PIGU: variants seen among roughly 807,000 people sequenced by gnomAD.
PIGU encodes the protein GPI-anchor transamidase component PIGU.
A neutral mutation model predicts 49.9 loss-of-function variants in PIGU; 24 were observed. The ratio of observed to expected loss-of-function variants is 0.48; its 90% CI spans 0.35 to 0.68. PIGU has a LOEUF of 0.68. Ranked by LOEUF, PIGU falls within the 30% of genes least tolerant of loss-of-function variation. The pLI is 0.01. For missense variants in PIGU, 490 were observed against 532.6 expected (o/e 0.92, Z 0.79); for synonymous variants, 220 against 205.7 (o/e 1.07, Z -0.59).
chr20:34,621,885 T>C (rs1985249232), intron 6 of PIGU, among the ~76,000 whole-genome samples: 1 of 151,970 alleles, frequency 6.6e-6, no homozygotes, highest in South Asian at 2.1e-4. Flanking sequence ...AGGAGGAAAG[T>C]ACAAAGGAAG....
In PIGU at chr20:34,656,068, G is replaced by T. The variant is rs1410428226; in HGVS notation, c.195+1112C>A. ...GGCTCACTGCAAACTCTGCCTCCCG[G>T]GTTCAAACAATTGTCCTGCCTCAGC... On this transcript the variant is annotated intron_variant, in intron 2 of 11. Transcript: ENST00000217446. Among the ~76,000 whole-genome samples the T allele has an allele frequency of 3.7e-5, 4 of 107,694 alleles. 2 individuals carry two copies. The highest frequency in any genetic ancestry group is 7.7e-5 in the Non-Finnish European group (4 of 52,014). 70.7% of individuals were successfully genotyped at this position (107,694 alleles called of 152,430 possible). A position where few individuals can be genotyped will look rare whatever the true frequency, so the allele number is the denominator to read the frequency against.
intron 11 of PIGU, among the ~76,000 whole-genome samples, chr20:34,566,640 C>T (rs1228720085): frequency 6.6e-6 from 1 of 152,166 alleles, no homozygotes; most frequent in Non-Finnish European, 1.5e-5. Context: ...TTTCCAACCC[C>T]CCAGGGTAGG....
intron 7 of PIGU, among the ~76,000 whole-genome samples, chr20:34,607,214 T>C (rs565764161): frequency 6.6e-6 from 1 of 152,110 alleles, no homozygotes. Flanking sequence ...AAGAGGCAGG[T>C]AGAAAAGGGC....
At chr20:34,632,043 G>A (rs890046003) in intron 6 of PIGU, among the ~76,000 whole-genome samples, 4 of 151,010 alleles carry the variant, frequency 2.6e-5, no homozygotes, top group African/African-American at 7.3e-5. Context: ...GTCTCACTAC[G>A]TTGCCCAGGC....
rs547050627 is a variant in PIGU, at chr20:34,656,185, G to C, written c.195+995C>G. On this transcript the variant is annotated intron_variant, in intron 2 of 11. Coordinates refer to ENST00000217446, the MANE Select transcript of PIGU (RefSeq NM_080476.5). ...GCTGGGGGTTTACCACGTTGGCCAG[G>C]CTGGTCTTGAACTCCTGACCTCGTG... Among the ~76,000 whole-genome samples the C allele has an allele frequency of 3.4e-5, 4 of 119,016 alleles. 1 individual carries two copies. In the South Asian group the frequency reaches 9.7e-4, roughly 29 times the overall value. The allele number at this position is 119,016 out of a possible 152,430, so 78.1% of individuals were successfully genotyped here.
intron 7 of PIGU, among the ~76,000 whole-genome samples, chr20:34,593,359 A>C (rs1600609445): frequency 6.7e-6 from 1 of 148,894 alleles, no homozygotes; most frequent in African/African-American, 2.5e-5. Context: ...AAAAAAAGCC[A>C]CCAAGCCACT....
chr20:34,615,594 A>G (rs990273626), intron 7 of PIGU, among the ~76,000 whole-genome samples: 2 of 152,206 alleles, frequency 1.3e-5, no homozygotes, highest in African/African-American at 4.8e-5. Flanking sequence ...GGAAAATTCC[A>G]GAAACAAACA....
chr20:34,622,641 A>G (rs1355889694), intron 6 of PIGU, among the ~76,000 whole-genome samples: 1 of 152,236 alleles, frequency 6.6e-6, no homozygotes, highest in Non-Finnish European at 1.5e-5. Flanking sequence ...CCCAGACAGG[A>G]TACCTGAAAT....
rs965942642 is a variant in PIGU at position 34,563,271 on chromosome 20, T to C, written c.1195-2292A>G. Among the ~76,000 whole-genome samples, 3 of 152,116 alleles carry C rather than the reference T, an allele frequency of 2.0e-5. No individual in the cohort carries two copies. The East Asian group carries it at 5.8e-4, about 29-fold the overall frequency. On this transcript the variant is annotated intron_variant, in intron 11 of 11. Transcript: ENST00000217446. ...AAACTACATACATGTATTCCATTGA[T>C]AAAAATAAAACTTCGGCGAGGTGCG...
At chr20:34,597,273 C>T (rs1305029395) in intron 7 of PIGU, among the ~76,000 whole-genome samples, 2 of 152,028 alleles carry the variant, frequency 1.3e-5, no homozygotes, top group East Asian at 1.9e-4. Context: ...GTAAACAAAA[C>T]GCTGCACACA....
chr20:34,642,652 C>CATATAT (rs10639203), intron 4 of PIGU, among the ~76,000 whole-genome samples: 57 of 131,440 alleles, frequency 4.3e-4, no homozygotes, highest in African/African-American at 8.7e-4. Flanking sequence ...ATATATATCT[C>CATATAT]ATATATATAT....
rs1984990651 is a variant in PIGU, at chr20:34,615,993, A to C, written c.627+49T>G. 4 of 1,568,906 alleles carry C rather than the reference A, an allele frequency of 2.5e-6. No homozygotes were observed. In the East Asian group the frequency reaches 9.6e-5, roughly 38 times the overall value. On this transcript the variant is annotated intron_variant, in intron 7 of 11. Coordinates refer to ENST00000217446, the MANE Select transcript of PIGU (RefSeq NM_080476.5). Reference sequence around the variant, plus strand: ...CCTTTCCCCCAGCAGGGACCAGGCCATGTATTAAATGTCACTTGGGTGCTG... The same window carrying C: ...CCTTTCCCCCAGCAGGGACCAGGCCCTGTATTAAATGTCACTTGGGTGCTG...
At chr20:34,588,405 C>G (rs529329636) in intron 8 of PIGU, 48 bp downstream of exon 8, 2 of 1,549,790 alleles carry the variant, frequency 1.3e-6, no homozygotes, top group Non-Finnish European at 1.8e-6. Flanking sequence ...TACAAGGGTT[C>G]CCTTTTCCCC....
chr20:34,612,057 C>T (rs1420750057), intron 7 of PIGU, among the ~76,000 whole-genome samples: 1 of 152,158 alleles, frequency 6.6e-6, no homozygotes. Flanking sequence ...GATATATGCA[C>T]ACGTATGTTT....
chr20:34,639,515 G>A (rs1279189583), intron 4 of PIGU, among the ~76,000 whole-genome samples: 2 of 152,080 alleles, frequency 1.3e-5, no homozygotes, highest in East Asian at 3.9e-4. Flanking sequence ...GGTAGGAGGA[G>A]AAATAGGGAG....
intron 2 of PIGU, among the ~76,000 whole-genome samples, chr20:34,650,390 C>T (rs1386523563): frequency 6.6e-6 from 1 of 151,990 alleles, no homozygotes; most frequent in Non-Finnish European, 1.5e-5. Flanking sequence ...TCCACCTCAG[C>T]CTCCCAAGTA....
chr20:34,672,750 G>A (rs1987345644), intron 1 of PIGU, among the ~76,000 whole-genome samples: 1 of 151,456 alleles, frequency 6.6e-6, no homozygotes, highest in Non-Finnish European at 1.5e-5. Context: ...AGCTGTTTGG[G>A]AGGCTGAGTC....
intron 6 of PIGU, among the ~76,000 whole-genome samples, chr20:34,631,625 C>T (rs1420629329): frequency 7.2e-6 from 1 of 139,564 alleles, no homozygotes; most frequent in East Asian, 2.1e-4. Flanking sequence ...GCGATCTCGA[C>T]TCACTGCAAG....
At chr20:34,622,875 T>C (rs1368838267) in intron 6 of PIGU, among the ~76,000 whole-genome samples, 9 of 152,218 alleles carry the variant, frequency 5.9e-5, no homozygotes, top group Admixed American at 5.9e-4. Flanking sequence ...GTATGTACAT[T>C]GGCTGTAGTA....
Sources: allele counts gnomAD v4.1 joint callset (sites outside exome capture counted in the v4.1 genomes callset), GRCh38; gene constraint gnomAD v4.1.1; transcripts MANE v1.5; gene names NCBI Gene and HGNC (gene_info 2026-07-23, HGNC 2026-07-21).